Variants in NCKAP5 observed in about 807,000 individuals in gnomAD.
NCKAP5 encodes the protein nck-associated protein 5.
A neutral mutation model predicts 167.0 loss-of-function variants in NCKAP5; 92 were observed. That is an observed-to-expected ratio of 0.55 (90% CI 0.47 to 0.66). The LOEUF is 0.66. NCKAP5 is among the 30% of genes least tolerant of loss of function. NCKAP5 has a pLI of 0.00. For missense variants in NCKAP5, 2,378 were observed against 2,315.0 expected, an observed-to-expected ratio of 1.03 and a Z score of -0.56; for synonymous variants, 891 against 877.4, an observed-to-expected ratio of 1.02 and a Z score of -0.27.
chr2:133,163,639 G>A (rs921285313), intron 5 of NCKAP5, among the ~76,000 whole-genome samples: 1 of 152,190 alleles, frequency 6.6e-6, no homozygotes, highest in South Asian at 2.1e-4. Context: ...GAGATGCTGA[G>A]ATGGTATCTA....
chr2:132,826,379 A>G (rs2105344155), intron 11 of NCKAP5, among the ~76,000 whole-genome samples: 1 of 152,224 alleles, frequency 6.6e-6, no homozygotes, highest in Non-Finnish European at 1.5e-5. Context: ...ATGCATCATG[A>G]TGAGAAAACA....
chr2:133,213,094 C>T (rs770639950), intron 5 of NCKAP5, among the ~76,000 whole-genome samples: 2 of 152,146 alleles, frequency 1.3e-5, no homozygotes, highest in Non-Finnish European at 2.9e-5. Flanking sequence ...TTCCCCAGGT[C>T]CCCAGACAGT....
intron 3 of NCKAP5, among the ~76,000 whole-genome samples, chr2:133,392,762 A>G (rs1687499272): frequency 6.6e-6 from 1 of 152,170 alleles, no homozygotes; most frequent in Non-Finnish European, 1.5e-5. Flanking sequence ...AAACTCTTAT[A>G]TATACTCAGA....
chr2:133,304,676 T>C (rs1283748662), intron 3 of NCKAP5, among the ~76,000 whole-genome samples: 9 of 152,338 alleles, frequency 5.9e-5, no homozygotes, highest in African/African-American at 1.7e-4. Flanking sequence ...GAAATAAATG[T>C]ACAGATCTTA....
intron 3 of NCKAP5, among the ~76,000 whole-genome samples, chr2:133,394,227 C>G (rs566301081): frequency 6.6e-6 from 1 of 152,182 alleles, no homozygotes; most frequent in Admixed American, 6.5e-5. Context: ...TAGGTGCTAG[C>G]GAACTAAAAA....
intron 3 of NCKAP5, among the ~76,000 whole-genome samples, chr2:133,353,084 T>C (rs555873116): frequency 3.3e-5 from 5 of 152,228 alleles, no homozygotes; most frequent in Non-Finnish European, 7.3e-5. Context: ...AATCTTGGAC[T>C]GAGTAGTGGT....
upstream of NCKAP5, among the ~76,000 whole-genome samples, chr2:133,571,387 C>T (rs1204254110): frequency 1.3e-5 from 2 of 151,914 alleles, no homozygotes; most frequent in Non-Finnish European, 2.9e-5. Context: ...GAAAGGCCAT[C>T]CTCACCACCT....
At chr2:133,319,346 C>G (rs1381560405) in intron 3 of NCKAP5, among the ~76,000 whole-genome samples, 1 of 152,162 alleles carries the variant, frequency 6.6e-6, no homozygotes, top group Non-Finnish European at 1.5e-5. Context: ...GCAAAACCAG[C>G]AACAGCTGCC....
chr2:133,470,877 T>C (rs1164897977), intron 3 of NCKAP5, among the ~76,000 whole-genome samples: 1 of 152,238 alleles, frequency 6.6e-6, no homozygotes, highest in Non-Finnish European at 1.5e-5. Flanking sequence ...GGCTTGCGCA[T>C]GGTGCGCGCA....
At chr2:132,843,609 A>C (rs1688458093) in intron 11 of NCKAP5, among the ~76,000 whole-genome samples, 1 of 151,686 alleles carries the variant, frequency 6.6e-6, no homozygotes, top group South Asian at 2.1e-4. Flanking sequence ...TTAATAAAAA[A>C]ACTCCTATTC....
At chr2:132,932,387 TA>T (rs1411944676) in intron 8 of NCKAP5, among the ~76,000 whole-genome samples, 1 of 152,130 alleles carries the variant, frequency 6.6e-6, no homozygotes, top group Non-Finnish European at 1.5e-5. Context: ...CCCTAATTGT[TA>T]AAAAGCCAAG....
At chr2:133,594,396 C>T in the NCKAP5 span, among the ~76,000 whole-genome samples, 6 of 152,154 alleles carry the variant, frequency 3.9e-5, no homozygotes, top group African/African-American at 1.4e-4. Flanking sequence ...CCTGACATGC[C>T]ACCATGAGGA....
Position 132,785,225 on chromosome 2 carries a change from T to A in NCKAP5, c.1586A>T (p.Tyr529Phe). 1 of 1,572,148 alleles carries A rather than the reference T, an allele frequency of 6.4e-7. No homozygotes were observed. Among genetic ancestry groups the A allele is most frequent in the East Asian group, 2.2e-5 (1 of 44,570 alleles). The part of the protein sequence containing the change: ...KHFLEGTSSV[Y>F]PKERPEKLTS... The stretch of plus-strand genomic sequence containing the variant: ...CAGCTTTTCAGGCCTTTCCTTGGGA[T>A]AAACTGAGGATGTGCCTTCCAGAAA... Residue 529 changes from tyrosine to phenylalanine, a missense_variant, in exon 14 of 20, where the codon TAT becomes TTT. Transcript: ENST00000409261.
intron 16 of NCKAP5, among the ~76,000 whole-genome samples, chr2:132,746,982 G>A (rs1370390325): frequency 2.0e-5 from 3 of 152,058 alleles, no homozygotes; most frequent in Non-Finnish European, 4.4e-5. Flanking sequence ...AGGAGAGGGT[G>A]GGGTGTAAAA....
At chr2:132,939,645 T>C (rs1311592772) in intron 8 of NCKAP5, among the ~76,000 whole-genome samples, 1 of 152,204 alleles carries the variant, frequency 6.6e-6, no homozygotes, top group Non-Finnish European at 1.5e-5. Context: ...ATAAGTTCTT[T>C]AGTGGCGATT....
At chr2:132,949,681 A>G (rs889991346) in intron 8 of NCKAP5, among the ~76,000 whole-genome samples, 3 of 152,214 alleles carry the variant, frequency 2.0e-5, no homozygotes, top group Non-Finnish European at 4.4e-5. Flanking sequence ...CCATACCTAC[A>G]TAAAGTAAAA....
chr2:133,641,330 T>G, the NCKAP5 span, among the ~76,000 whole-genome samples: 1 of 152,248 alleles, frequency 6.6e-6, no homozygotes, highest in Non-Finnish European at 1.5e-5. Flanking sequence ...AGTTCCAATT[T>G]TATCTTAAGA....
intron 5 of NCKAP5, among the ~76,000 whole-genome samples, chr2:133,130,855 TTG>T (rs2082577403): frequency 1.3e-5 from 2 of 152,152 alleles, no homozygotes; most frequent in African/African-American, 4.8e-5. Context: ...TTTGTTGTTG[TTG>T]TTGTTGTTGC....
chr2:133,330,697 T>G (rs1682796556), intron 3 of NCKAP5, among the ~76,000 whole-genome samples: 1 of 151,990 alleles, frequency 6.6e-6, no homozygotes, highest in South Asian at 2.1e-4. Flanking sequence ...AAGATCAGCC[T>G]GGGCAACATA....
Sources: allele counts gnomAD v4.1 joint callset (sites outside exome capture counted in the v4.1 genomes callset), GRCh38; gene constraint gnomAD v4.1.1; transcripts MANE v1.5; gene names NCBI Gene and HGNC (gene_info 2026-07-23, HGNC 2026-07-21).